Variants in MTUS2 observed in about 807,000 individuals in gnomAD.
MTUS2 encodes the protein microtubule-associated tumor suppressor candidate 2.
A neutral mutation model predicts 114.1 loss-of-function variants in MTUS2; 40 were observed. The observed-to-expected ratio is 0.35, with a 90% CI of 0.27 to 0.46. The LOEUF (loss-of-function observed/expected upper bound fraction) is 0.46, where lower values mean the gene tolerates loss of function less well. MTUS2 is among the 20% of genes least tolerant of loss of function. The pLI is 1.00. For synonymous variants in MTUS2, 688 were observed against 672.0 expected (o/e 1.02, Z -0.37); for missense variants, 1,679 against 1,705.4 (o/e 0.98, Z 0.27).
Position 28,927,580 on chromosome 13 carries a change from A to C in MTUS2, c.-243+87730A>C, listed in dbSNP as rs565765558. ...GACCTTGTCTCTTAAAAAATGAATT[A>C]CAAACAAAATGCCTGCTTTTAAGTT... is the stretch of plus-strand genomic sequence containing the variant. On this transcript the variant is annotated intron_variant, in intron 2 of 15. Coordinates refer to ENST00000612955, the MANE Select transcript of MTUS2 (RefSeq NM_001033602.4). Among the ~76,000 whole-genome samples, 4 of 152,308 alleles carry C rather than the reference A, an allele frequency of 2.6e-5. No homozygotes were observed. In the East Asian group the frequency reaches 7.7e-4, roughly 29 times the overall value.
chr13:29,159,874 C>T (rs965692383), intron 5 of MTUS2, among the ~76,000 whole-genome samples: 1 of 152,234 alleles, frequency 6.6e-6, no homozygotes, highest in Admixed American at 6.5e-5. Flanking sequence ...AAAAACTAGG[C>T]TCCACCTGTG....
intron 8 of MTUS2, among the ~76,000 whole-genome samples, chr13:29,428,176 A>G (rs192643680): frequency 3.3e-4 from 51 of 152,384 alleles, no homozygotes; most frequent in Non-Finnish European, 6.5e-4. Context: ...ATGGCATGCA[A>G]ATTAGAAAAT....
intron 2 of MTUS2, among the ~76,000 whole-genome samples, chr13:28,967,840 T>G (rs765860997): frequency 1.3e-5 from 2 of 152,186 alleles, no homozygotes; most frequent in Non-Finnish European, 2.9e-5. Flanking sequence ...AGCCATTTGT[T>G]TCATATGGAG....
chr13:28,942,264 G>A (rs327124), intron 2 of MTUS2, among the ~76,000 whole-genome samples: 109,899 of 152,006 alleles, frequency 0.72, 44,132 homozygotes, highest in Non-Finnish European at 0.9. Flanking sequence ...GAAATGCAAC[G>A]AAACCACAAT....
intron 2 of MTUS2, among the ~76,000 whole-genome samples, chr13:28,887,393 A>T (rs1428940442): frequency 1.3e-5 from 2 of 152,056 alleles, no homozygotes; most frequent in Non-Finnish European, 2.9e-5. Flanking sequence ...CCCATCATTG[A>T]CTCAGGAGAT....
At position 29,503,814 on chromosome 13, in the gene MTUS2, C is replaced by A. The variant is rs755293473; in HGVS notation, c.*608C>A. 1 of 234,478 alleles carries A rather than the reference C, an allele frequency of 4.3e-6. No individual in the cohort carries two copies. The highest frequency in any genetic ancestry group is 2.2e-5 in the African/African-American group (1 of 45,088). The allele number at this position is 234,478 out of a possible 1,614,324, so 14.5% of individuals were successfully genotyped here. On this transcript the variant is annotated 3_prime_UTR_variant, in exon 16 of 16. Transcript: ENST00000612955. ...AGTGGTACTCTCTTTAACACGAACA[C>A]CAGCTATTTGTGAACGGTAACTGCC...
chr13:28,819,975 G>T (rs1291514361), upstream of MTUS2, among the ~76,000 whole-genome samples: 1 of 147,108 alleles, frequency 6.8e-6, no homozygotes, highest in African/African-American at 2.4e-5. Context: ...GTGCGTCTCC[G>T]GGCGGCCGGG....
At chr13:29,421,974 G>A (rs1271581284) in intron 8 of MTUS2, among the ~76,000 whole-genome samples, 1 of 152,214 alleles carries the variant, frequency 6.6e-6, no homozygotes, top group Admixed American at 6.5e-5. Context: ...TACTATGTCA[G>A]TTTTTAGGTT....
intron 5 of MTUS2, among the ~76,000 whole-genome samples, chr13:29,102,059 C>T (rs1890441085): frequency 6.6e-6 from 1 of 152,184 alleles, no homozygotes; most frequent in South Asian, 2.1e-4. Flanking sequence ...CTGAGGCCTG[C>T]TTTCACACAG....
At chr13:29,156,724 G>A (rs752601016) in intron 5 of MTUS2, among the ~76,000 whole-genome samples, 1 of 152,062 alleles carries the variant, frequency 6.6e-6, no homozygotes. Context: ...AGAGTTATTC[G>A]TTTATATGAA....
At chr13:28,910,481 C>T (rs1880346225) in intron 2 of MTUS2, among the ~76,000 whole-genome samples, 1 of 152,112 alleles carries the variant, frequency 6.6e-6, no homozygotes, top group Admixed American at 6.6e-5. Flanking sequence ...ATCAACCTAT[C>T]ACCTAGGTAT....
intron 2 of MTUS2, among the ~76,000 whole-genome samples, chr13:28,957,928 G>A (rs1046965522): frequency 1.3e-5 from 2 of 152,204 alleles, no homozygotes; most frequent in Non-Finnish European, 2.9e-5. Flanking sequence ...ATAGGCATGG[G>A]ATAGGAGACA....
intron 6 of MTUS2, among the ~76,000 whole-genome samples, chr13:29,289,725 A>C (rs1252534302): frequency 2.6e-5 from 4 of 152,082 alleles, no homozygotes; most frequent in African/African-American, 9.7e-5. Context: ...TCGGCCTCCC[A>C]AAGTGCTGGG....
chr13:29,489,096 C>A (rs1384782516), intron 11 of MTUS2, among the ~76,000 whole-genome samples: 2 of 152,068 alleles, frequency 1.3e-5, no homozygotes, highest in Non-Finnish European at 2.9e-5. Flanking sequence ...ACCAGCCTGG[C>A]AAACATGGCA....
chr13:28,926,848 C>A (rs908365717), intron 2 of MTUS2, among the ~76,000 whole-genome samples: 1 of 152,142 alleles, frequency 6.6e-6, no homozygotes, highest in South Asian at 2.1e-4. Context: ...GGACTTGTGT[C>A]AGTGAAGTTG....
intron 2 of MTUS2, among the ~76,000 whole-genome samples, chr13:28,978,403 A>C (rs1012581710): frequency 6.6e-6 from 1 of 152,222 alleles, no homozygotes; most frequent in Admixed American, 6.5e-5. Flanking sequence ...AACTTTGACT[A>C]TTAGATTAAG....
intron 1 of MTUS2, among the ~76,000 whole-genome samples, chr13:28,824,206 CCTGA>C (rs1458734312): frequency 1.3e-5 from 2 of 150,180 alleles, no homozygotes; most frequent in Non-Finnish European, 2.9e-5. Flanking sequence ...ATAATAGGCC[CCTGA>C]CTTTCATTTT....
chr13:29,197,338 G>T (rs2139221210), intron 5 of MTUS2, among the ~76,000 whole-genome samples: 1 of 152,080 alleles, frequency 6.6e-6, no homozygotes, highest in East Asian at 1.9e-4. Context: ...TTCTGTTCCT[G>T]TGTTAGTTTG....
intron 11 of MTUS2, among the ~76,000 whole-genome samples, chr13:29,491,526 G>A (rs1439947693): frequency 1.5e-5 from 2 of 137,156 alleles, no homozygotes; most frequent in African/African-American, 5.5e-5. Flanking sequence ...GGCATGATGT[G>A]TGTGGTATGT....
Sources: allele counts gnomAD v4.1 joint callset (sites outside exome capture counted in the v4.1 genomes callset), GRCh38; gene constraint gnomAD v4.1.1; transcripts MANE v1.5; gene names NCBI Gene and HGNC (gene_info 2026-07-23, HGNC 2026-07-21).